The following TMEM114 variants were observed in gnomAD, a reference collection of about 807,000 sequenced individuals.
TMEM114 encodes transmembrane protein 114, also known as claudin-26.
In TMEM114, 6 loss-of-function variants were observed where a neutral mutation model predicts 6.2. The ratio of observed to expected loss-of-function variants is 0.97; its 90% CI spans 0.53 to 1.91. The LOEUF is 1.91. Ranked by LOEUF, TMEM114 falls within the 40% of genes most tolerant of loss-of-function variation. The pLI, the probability that TMEM114 is intolerant of heterozygous loss-of-function variation, is 0.01. For synonymous variants in TMEM114, 104 were observed against 73.0 expected (o/e 1.42, Z -2.16); for missense variants, 218 against 158.3 (o/e 1.38, Z -2.02).
the TMEM114 span, among the ~76,000 whole-genome samples, chr16:8,527,112 C>A: frequency 2.0e-5 from 3 of 152,200 alleles, no homozygotes; most frequent in Admixed American, 6.5e-5. Flanking sequence ...GAGGCTGAGG[C>A]AGGAGAATTG....
At position 8,589,930 on chromosome 16, in the gene TMEM114, C is replaced by A; in HGVS notation, c.-92G>T. On this transcript the variant is annotated 5_prime_UTR_variant, in exon 1 of 4. Coordinates refer to ENST00000620492, the MANE Select transcript of TMEM114 (RefSeq NM_001146336.2). ...CGTCCCCAGCCGGCCACCGCGGGCT[C>A]CCAGCTCCACCGCCGCCAGAGCCGC... 2.6e-6 allele frequency: 1 copy of A among 389,610 alleles called. No individual in the cohort carries two copies. The highest frequency in any genetic ancestry group is 4.5e-6 in the Non-Finnish European group (1 of 220,740). The allele number at this position is 389,610 out of a possible 1,614,324, so 24.1% of individuals were successfully genotyped here. A position where few individuals can be genotyped will look rare whatever the true frequency, so the allele number is the denominator to read the frequency against.
At chr16:8,542,774 T>A (rs570545705) in intron 2 of TMEM114, among the ~76,000 whole-genome samples, 38 of 152,196 alleles carry the variant, frequency 2.5e-4, no homozygotes, top group Non-Finnish European at 4.3e-4. Flanking sequence ...CTGGGATATT[T>A]CCAACCAGAA....
intron 2 of TMEM114, among the ~76,000 whole-genome samples, chr16:8,561,368 C>G (rs1392028278): frequency 1.3e-5 from 2 of 152,228 alleles, no homozygotes; most frequent in Admixed American, 1.3e-4. Flanking sequence ...GCCACCTTCT[C>G]CCCATCTGCT....
At chr16:8,534,132 G>A (rs983486652), downstream of TMEM114, among the ~76,000 whole-genome samples, 5 of 152,162 alleles carry the variant, frequency 3.3e-5, no homozygotes, top group Non-Finnish European at 7.4e-5. Flanking sequence ...TATTTATTGT[G>A]CATATTTTAA....
chr16:8,587,462 A>C (rs1902351660), intron 2 of TMEM114, among the ~76,000 whole-genome samples: 1 of 152,226 alleles, frequency 6.6e-6, no homozygotes, highest in Non-Finnish European at 1.5e-5. Context: ...TGCACTTAGC[A>C]GTTAGCCAAG....
the TMEM114 span, among the ~76,000 whole-genome samples, chr16:8,530,613 G>T: frequency 1.3e-5 from 2 of 151,788 alleles, no homozygotes; most frequent in African/African-American, 4.8e-5. Context: ...AAGAAGGGAA[G>T]GTGGGATGGA....
downstream of TMEM114, among the ~76,000 whole-genome samples, chr16:8,565,799 G>C (rs1901522997): frequency 6.6e-6 from 1 of 152,166 alleles, no homozygotes; most frequent in African/African-American, 2.4e-5. Flanking sequence ...CAATGCCCAG[G>C]TCCGCCCTCG....
At chr16:8,553,457 C>T (rs1900907405) in intron 2 of TMEM114, among the ~76,000 whole-genome samples, 1 of 151,916 alleles carries the variant, frequency 6.6e-6, no homozygotes, top group Non-Finnish European at 1.5e-5. Flanking sequence ...AGTGCAGTGG[C>T]ACTATCTAGG....
chr16:8,539,401 C>G (rs998280624), intron 2 of TMEM114, among the ~76,000 whole-genome samples: 3 of 152,200 alleles, frequency 2.0e-5, no homozygotes, highest in Non-Finnish European at 2.9e-5. Context: ...GCCCGAGTGA[C>G]TGCTCCAGCT....
At chr16:8,566,546 G>C (rs1901551328), downstream of TMEM114, among the ~76,000 whole-genome samples, 1 of 152,016 alleles carries the variant, frequency 6.6e-6, no homozygotes, top group Admixed American at 6.6e-5. Flanking sequence ...GATCAGAATG[G>C]ATCAGGATAG....
At chr16:8,567,825 G>A (rs1014976338), downstream of TMEM114, among the ~76,000 whole-genome samples, 1 of 152,226 alleles carries the variant, frequency 6.6e-6, no homozygotes, top group Non-Finnish European at 1.5e-5. Context: ...GCAGGTGGAA[G>A]CAGAGACCGC....
At position 8,564,057 on chromosome 16, in the gene TMEM114, GTAAAT is replaced by G. The variant is rs1444190849; in HGVS notation, n.212+25151_212+25155del. ...AGTGACTGAATGAGTGAGTGAATGA[GTAAAT>G]GAGTGAGTGAGTGCATGAATGAGTG... On this transcript the variant is annotated intron_variant and non_coding_transcript_variant, in intron 2 of 2. Transcript: ENST00000623677. Among the ~76,000 whole-genome samples, 61 of 151,346 alleles carry G rather than the reference GTAAAT, an allele frequency of 4.0e-4. 5 individuals carry two copies. The highest frequency in any genetic ancestry group is 1.3e-3 in the African/African-American group (54 of 40,708).
chr16:8,557,144 A>G (rs939055011), intron 2 of TMEM114, among the ~76,000 whole-genome samples: 2 of 152,146 alleles, frequency 1.3e-5, no homozygotes, highest in Non-Finnish European at 2.9e-5. Flanking sequence ...TATGACCTTG[A>G]TACTTCTCCC....
chr16:8,551,067 C>T (rs1241324332), intron 2 of TMEM114, among the ~76,000 whole-genome samples: 1 of 152,234 alleles, frequency 6.6e-6, no homozygotes, highest in East Asian at 1.9e-4. Context: ...GCTCACTCTT[C>T]CTTGTTCTAC....
chr16:8,588,043 T>C (rs986151538), intron 2 of TMEM114, among the ~76,000 whole-genome samples: 1 of 152,100 alleles, frequency 6.6e-6, no homozygotes. Flanking sequence ...CCCAGCACTT[T>C]GGAAGGCTGA....
chr16:8,557,493 G>A (rs1157531295), intron 2 of TMEM114, among the ~76,000 whole-genome samples: 4 of 152,118 alleles, frequency 2.6e-5, no homozygotes, highest in East Asian at 1.9e-4. Context: ...AACCACAATC[G>A]CCCAGCTGAG....
intron 2 of TMEM114, among the ~76,000 whole-genome samples, chr16:8,552,676 G>T (rs1900884072): frequency 1.3e-5 from 2 of 151,354 alleles, no homozygotes; most frequent in South Asian, 4.2e-4. Flanking sequence ...GCCACTGCCT[G>T]CGAGCCTATA....
chr16:8,527,498 G>C, the TMEM114 span, among the ~76,000 whole-genome samples: 2 of 152,114 alleles, frequency 1.3e-5, no homozygotes, highest in African/African-American at 2.4e-5. Context: ...CACAAAATAA[G>C]ATAACAACTG....
chr16:8,564,503 G>C (rs1596480925), downstream of TMEM114, among the ~76,000 whole-genome samples: 52 of 138,678 alleles, frequency 3.7e-4, 1 homozygote, highest in South Asian at 2.2e-3. Flanking sequence ...GTGAATGAGT[G>C]AGTAAATGAG....
Sources: allele counts gnomAD v4.1 joint callset (sites outside exome capture counted in the v4.1 genomes callset), GRCh38; gene constraint gnomAD v4.1.1; transcripts MANE v1.5; gene names NCBI Gene and HGNC (gene_info 2026-07-23, HGNC 2026-07-21).